SEPTIN9: variants seen among roughly 807,000 people sequenced by gnomAD.
SEPTIN9 encodes septin-9.
In SEPTIN9, 13 loss-of-function variants were observed where a neutral mutation model predicts 56.6. The ratio of observed to expected loss-of-function variants is 0.23; its 90% CI spans 0.15 to 0.37. The LOEUF (loss-of-function observed/expected upper bound fraction) is 0.37, where lower values mean the gene tolerates loss of function less well. Ranked by LOEUF, SEPTIN9 falls within the 10% of genes least tolerant of loss-of-function variation. SEPTIN9 has a pLI of 1.00. For missense variants in SEPTIN9, 650 were observed against 823.1 expected, an observed-to-expected ratio of 0.79 and a Z score of 2.57; for synonymous variants, 332 against 334.1, an observed-to-expected ratio of 0.99 and a Z score of 0.07.
intron 1 of SEPTIN9, among the ~76,000 whole-genome samples, chr17:77,285,186 T>C (rs963888536): frequency 6.6e-6 from 1 of 152,036 alleles, no homozygotes; most frequent in Non-Finnish European, 1.5e-5. Context: ...CCAGCTGCAC[T>C]GTACCCGCCC....
At chr17:77,407,455 G>A (rs2036130729) in intron 3 of SEPTIN9, among the ~76,000 whole-genome samples, 1 of 151,980 alleles carries the variant, frequency 6.6e-6, no homozygotes, top group African/African-American at 2.4e-5. Context: ...CGTCCCTAGA[G>A]ACCAAGCAGA....
chr17:77,284,606 G>T (rs78539590), intron 1 of SEPTIN9, among the ~76,000 whole-genome samples: 26,002 of 151,896 alleles, frequency 0.17, 2,264 homozygotes, highest in Non-Finnish European at 0.2. Context: ...TTGTTTTTTT[G>T]TGTGTGTGGT....
intron 2 of SEPTIN9, among the ~76,000 whole-genome samples, chr17:77,346,338 T>A (rs1472136964): frequency 1.4e-5 from 2 of 145,850 alleles, no homozygotes; most frequent in African/African-American, 2.5e-5. Context: ...ACTTACAGTT[T>A]CCCTCTAAGC....
intron 2 of SEPTIN9, among the ~76,000 whole-genome samples, chr17:77,328,884 C>T (rs1228380192): frequency 2.6e-5 from 4 of 152,126 alleles, no homozygotes; most frequent in Admixed American, 6.5e-5. Context: ...GTGTGTGTGG[C>T]GAGGGGATTA....
intron 3 of SEPTIN9, among the ~76,000 whole-genome samples, chr17:77,471,775 T>C (rs937315355): frequency 1.3e-5 from 2 of 152,248 alleles, no homozygotes; most frequent in Non-Finnish European, 2.9e-5. Flanking sequence ...GACAGGCCAC[T>C]GTGGACATGG....
At chr17:77,395,623 T>G (rs1331581425) in intron 2 of SEPTIN9, among the ~76,000 whole-genome samples, 3 of 151,092 alleles carry the variant, frequency 2.0e-5, no homozygotes, top group African/African-American at 7.3e-5. Context: ...GGCAGGAAAA[T>G]GTAATGAACA....
At chr17:77,345,411 A>G (rs1394269258) in intron 2 of SEPTIN9, among the ~76,000 whole-genome samples, 1 of 152,250 alleles carries the variant, frequency 6.6e-6, no homozygotes, top group East Asian at 1.9e-4. Context: ...AGCGTCCTCC[A>G]CACCTTGCCA....
chr17:77,299,593 T>C (rs2031948660), intron 1 of SEPTIN9, among the ~76,000 whole-genome samples: 1 of 152,202 alleles, frequency 6.6e-6, no homozygotes, highest in Admixed American at 6.5e-5. Context: ...TGATTGTTTA[T>C]CTGAAATCCA....
At chr17:77,460,335 G>A (rs765811584) in intron 3 of SEPTIN9, among the ~76,000 whole-genome samples, 8 of 152,148 alleles carry the variant, frequency 5.3e-5, no homozygotes, top group Non-Finnish European at 7.4e-5. Flanking sequence ...TGTGTGTGCC[G>A]TGCTGGGCTG....
intron 1 of SEPTIN9, among the ~76,000 whole-genome samples, chr17:77,282,225 T>A (rs1288868563): frequency 1.3e-5 from 2 of 152,210 alleles, no homozygotes; most frequent in East Asian, 3.8e-4. Context: ...GAAGTTCCAT[T>A]TCACAGATGG....
At chr17:77,345,828 G>C (rs550888007) in intron 2 of SEPTIN9, among the ~76,000 whole-genome samples, 3 of 152,230 alleles carry the variant, frequency 2.0e-5, no homozygotes, top group Non-Finnish European at 2.9e-5. Context: ...GACTCATAAG[G>C]CCTCGGTCCA....
At chr17:77,489,075 A>T (rs1344626212) in intron 7 of SEPTIN9, among the ~76,000 whole-genome samples, 5 of 152,114 alleles carry the variant, frequency 3.3e-5, no homozygotes, top group Non-Finnish European at 7.4e-5. Context: ...CCCAGCCCCC[A>T]TCCTTCAGCT....
chr17:77,335,177 A>G (rs2033499199), intron 2 of SEPTIN9, among the ~76,000 whole-genome samples: 1 of 151,770 alleles, frequency 6.6e-6, no homozygotes, highest in Non-Finnish European at 1.5e-5. Context: ...GTCCTATATT[A>G]GTATATGTAC....
At chr17:77,431,756 G>A (rs1364099502) in intron 3 of SEPTIN9, among the ~76,000 whole-genome samples, 1 of 151,714 alleles carries the variant, frequency 6.6e-6, no homozygotes, top group African/African-American at 2.4e-5. Context: ...CTTGAGCCCG[G>A]GAGGTAGAGG....
In SEPTIN9 at chr17:77,402,829, A is replaced by G. The variant is rs1375725415; in HGVS notation, c.721+126A>G. 1 of 959,700 alleles carries G rather than the reference A, an allele frequency of 1.0e-6. No individual in the cohort carries two copies. The highest frequency in any genetic ancestry group is 2.8e-5 in the Admixed American group (1 of 35,324). 59.4% of individuals were successfully genotyped at this position (959,700 alleles called of 1,614,324 possible). ...AGGGTGCTACCCTGGAGACCCAGAA[A>G]GACCGGAATGCATGGGGGTGGGGGT... On this transcript the variant is annotated intron_variant, in intron 3 of 11. Transcript: ENST00000427177. This position sits in a 1 kb window ranked among gnomAD's most constrained non-coding sequence, Gnocchi z 6.6.
intron 2 of SEPTIN9, among the ~76,000 whole-genome samples, chr17:77,333,163 C>A (rs1024669730): frequency 6.6e-6 from 1 of 152,154 alleles, no homozygotes; most frequent in African/African-American, 2.4e-5. Context: ...TTCTGGTGGG[C>A]GTGTAGTGGT....
chr17:77,394,827 C>G (rs1242599125), intron 2 of SEPTIN9, among the ~76,000 whole-genome samples: 1 of 152,154 alleles, frequency 6.6e-6, no homozygotes, highest in African/African-American at 2.4e-5. Flanking sequence ...CTAAATAGGC[C>G]CAGGTCCAGG....
intron 1 of SEPTIN9, among the ~76,000 whole-genome samples, chr17:77,302,985 C>T (rs1204179782): frequency 6.6e-6 from 1 of 152,154 alleles, no homozygotes; most frequent in Admixed American, 6.6e-5. Flanking sequence ...GGCATCTGCT[C>T]TCTGGCTTGT....
intron 3 of SEPTIN9, among the ~76,000 whole-genome samples, chr17:77,468,268 A>T (rs73375399): frequency 6.6e-6 from 1 of 152,060 alleles, no homozygotes; most frequent in African/African-American, 2.4e-5. Context: ...CCATCTCAAA[A>T]AAAACAAAAC....
Sources: gnomAD v4.1 joint callset for allele counts (sites outside exome capture counted in the v4.1 genomes callset) on GRCh38, gnomAD v4.1.1 for gene constraint, Gnocchi (gnomAD v3.1) non-coding constraint, MANE v1.5 for transcripts, NCBI Gene and HGNC (gene_info 2026-07-23, HGNC 2026-07-21) for gene names.